Variants in SNX29 observed in about 807,000 individuals in gnomAD.
SNX29 encodes sorting nexin-29.
Under a neutral mutation model 102.1 loss-of-function variants are expected in SNX29, and 78 were observed. The observed-to-expected ratio is 0.76, with a 90% confidence interval of 0.64 to 0.92. The LOEUF is 0.92. Ranked by LOEUF, SNX29 falls within the 40% of genes least tolerant of loss-of-function variation. SNX29 has a pLI of 0.00. For missense variants in SNX29, 1,280 were observed against 1,061.7 expected (o/e 1.21, Z -2.86); for synonymous variants, 580 against 414.5 (o/e 1.40, Z -4.85).
chr16:12,530,543 T>A (rs950064300), intron 20 of SNX29, among the ~76,000 whole-genome samples: 11 of 70,858 alleles, frequency 1.6e-4, no homozygotes, highest in South Asian at 6.3e-4. Flanking sequence ...TTGCCTTCGT[T>A]TTTTTTTTTT....
chr16:12,384,132 T>G (rs1375861169), intron 16 of SNX29, among the ~76,000 whole-genome samples: 2 of 152,212 alleles, frequency 1.3e-5, no homozygotes, highest in Non-Finnish European at 2.9e-5. Context: ...TGGTGGACAT[T>G]TAGGTTGCTT....
rs576306888 is a variant in SNX29, at chr16:12,267,723, G to C, written c.1679-10210G>C. On this transcript the variant is annotated intron_variant, in intron 14 of 20. Coordinates refer to ENST00000566228, the MANE Select transcript of SNX29 (RefSeq NM_032167.5). ...CGCATTCCTCGCAATGGAACGGCAAGTTATCTTTTGGAGGGAGATCTGAGC... is the reference window on the plus strand; with the variant it reads ...CGCATTCCTCGCAATGGAACGGCAACTTATCTTTTGGAGGGAGATCTGAGC... 5.9e-5 allele frequency among the ~76,000 whole-genome samples: 9 copies of C among 152,306 alleles called. No individual in the cohort carries two copies. In the East Asian group the frequency reaches 1.7e-3, roughly 29 times the overall value.
chr16:12,200,879 A>T (rs2076898475), intron 14 of SNX29, among the ~76,000 whole-genome samples: 1 of 152,238 alleles, frequency 6.6e-6, no homozygotes, highest in African/African-American at 2.4e-5. Context: ...GTACCAGGAC[A>T]TCACACCAGT....
intron 11 of SNX29, among the ~76,000 whole-genome samples, chr16:12,122,012 C>T (rs1042596775): frequency 1.3e-5 from 2 of 152,180 alleles, no homozygotes; most frequent in Non-Finnish European, 2.9e-5. Flanking sequence ...GACGGGATTT[C>T]ACCATGTTGG....
chr16:12,118,492 G>C (rs537432883), intron 11 of SNX29, among the ~76,000 whole-genome samples: 2 of 151,456 alleles, frequency 1.3e-5, no homozygotes, highest in East Asian at 3.9e-4. Context: ...GCTGATTTTT[G>C]TGTTTTTAGT....
intron 1 of SNX29, among the ~76,000 whole-genome samples, chr16:11,985,360 T>C (rs2055574574): frequency 6.6e-6 from 1 of 152,210 alleles, no homozygotes; most frequent in Non-Finnish European, 1.5e-5. Flanking sequence ...TAGCCAGGGC[T>C]CTTTTCAGTG....
chr16:12,393,760 G>T lies in SNX29; in HGVS notation c.1900-4686G>T, dbSNP rs558827340. Among the ~76,000 whole-genome samples the T allele has an allele frequency of 3.3e-5, 5 of 152,348 alleles. No individual in the cohort carries two copies. The South Asian group carries it at 1.0e-3, about 32-fold the overall frequency. ...AGTAGCTTACAATAATACTTGCTTCGCAGATTGTTTGAAGATTAACTGTGA... is the reference window on the plus strand; with the variant it reads ...AGTAGCTTACAATAATACTTGCTTCTCAGATTGTTTGAAGATTAACTGTGA... On this transcript the variant is annotated intron_variant, in intron 16 of 20. Coordinates refer to ENST00000566228, the MANE Select transcript of SNX29 (RefSeq NM_032167.5).
chr16:12,540,257 T>C (rs1174984003), intron 20 of SNX29, among the ~76,000 whole-genome samples: 1 of 152,040 alleles, frequency 6.6e-6, no homozygotes, highest in African/African-American at 2.4e-5. Flanking sequence ...ACCCCCAGCG[T>C]AAGGTCAAGT....
intron 16 of SNX29, among the ~76,000 whole-genome samples, chr16:12,388,314 T>C (rs989562029): frequency 2.3e-4 from 35 of 152,292 alleles, no homozygotes; most frequent in Admixed American, 1.7e-3. Flanking sequence ...GGGAAACAGG[T>C]TACTCAAAGA....
intron 15 of SNX29, among the ~76,000 whole-genome samples, chr16:12,311,059 A>G (rs1367999699): frequency 6.6e-6 from 1 of 152,208 alleles, no homozygotes; most frequent in African/African-American, 2.4e-5. Flanking sequence ...GACAGTGAAT[A>G]AGGTTTCTTG....
At chr16:12,104,522 C>CTCCA (rs1198631331) in intron 11 of SNX29, among the ~76,000 whole-genome samples, 14 of 152,010 alleles carry the variant, frequency 9.2e-5, no homozygotes, top group Non-Finnish European at 1.8e-4. Context: ...CACCACTGCA[C>CTCCA]TCCAGCCTGG....
At chr16:12,019,498 C>G (rs959171357) in intron 3 of SNX29, among the ~76,000 whole-genome samples, 1 of 151,888 alleles carries the variant, frequency 6.6e-6, no homozygotes, top group Non-Finnish European at 1.5e-5. Flanking sequence ...AGCCACCGCG[C>G]CTGGCAACTA....
intron 13 of SNX29, among the ~76,000 whole-genome samples, chr16:12,198,126 G>C (rs147351369): frequency 1.3e-5 from 2 of 152,292 alleles, no homozygotes; most frequent in East Asian, 1.9e-4. Flanking sequence ...CTGTCATAGA[G>C]ACTCTGAGTG....
At chr16:12,346,929 T>C (rs1223431182) in intron 15 of SNX29, among the ~76,000 whole-genome samples, 2 of 152,148 alleles carry the variant, frequency 1.3e-5, no homozygotes, top group Non-Finnish European at 2.9e-5. Flanking sequence ...ATGACCAACA[T>C]TGGGGCCTGA....
At chr16:12,526,964 A>G in intron 20 of SNX29, 2 of 403,094 alleles carry the variant, frequency 5.0e-6, no homozygotes, top group South Asian at 5.1e-5. Flanking sequence ...CACGCAGAAC[A>G]GAACACAGGG....
At chr16:12,418,726 G>T (rs568743644) in intron 18 of SNX29, among the ~76,000 whole-genome samples, 1 of 152,102 alleles carries the variant, frequency 6.6e-6, no homozygotes, top group African/African-American at 2.4e-5. Context: ...TGTTGGTTAG[G>T]CTGGTCTCGA....
chr16:12,567,817 C>T (rs4780452), intron 20 of SNX29, among the ~76,000 whole-genome samples: 49,650 of 151,950 alleles, frequency 0.33, 8,570 homozygotes, highest in Middle Eastern at 0.49. Context: ...TGCTGAGCAC[C>T]CTCTGCTCTC....
chr16:12,080,030 T>C (rs1176909116), intron 11 of SNX29, among the ~76,000 whole-genome samples: 3 of 152,232 alleles, frequency 2.0e-5, no homozygotes, highest in Non-Finnish European at 4.4e-5. Flanking sequence ...GTATGTTTTA[T>C]ATATTTTAAT....
chr16:12,042,934 C>G lies in SNX29; in HGVS notation c.285C>G (p.Asn95Lys), dbSNP rs368120914. 1.2e-6 allele frequency: 2 copies of G among 1,613,426 alleles called. No individual in the cohort carries two copies. The highest frequency in any genetic ancestry group is 1.7e-6 in the Non-Finnish European group (2 of 1,179,496). Reference sequence around the variant, plus strand: ...GGTACTACGTGAAGGAGGTCCTCAACAAGCACGAGCTGCAGCGCTTCTACT... The same window carrying G: ...GGTACTACGTGAAGGAGGTCCTCAAGAAGCACGAGCTGCAGCGCTTCTACT... ...VFWYYVKEVL[N>K]KHELQRFYSL... Residue 95 changes from asparagine to lysine, a missense_variant, in exon 5 of 21, where the codon AAC becomes AAG. Asn to Lys is a moderately conservative substitution (Grantham distance 94). Transcript: ENST00000566228.
Sources: gnomAD v4.1 joint callset for allele counts (sites outside exome capture counted in the v4.1 genomes callset) on GRCh38, gnomAD v4.1.1 for gene constraint, MANE v1.5 for transcripts, NCBI Gene and HGNC (gene_info 2026-07-23, HGNC 2026-07-21) for gene names.